Variants in ARHGAP10 observed in about 807,000 individuals in gnomAD.
ARHGAP10 encodes Rho GTPase activating protein 10.
Under a neutral mutation model 108.6 loss-of-function variants are expected in ARHGAP10, and 87 were observed. That is an observed-to-expected ratio of 0.80 (90% confidence interval 0.67 to 0.96). The LOEUF is 0.96. Among genes scored for constraint, ARHGAP10 ranks in the 40% least tolerant of loss-of-function variants. The pLI is 0.00. For missense variants in ARHGAP10, 939 were observed against 954.5 expected (o/e 0.98, Z 0.21); for synonymous variants, 347 against 341.1 (o/e 1.02, Z -0.19).
intron 15 of ARHGAP10, among the ~76,000 whole-genome samples, chr4:147,953,980 C>G (rs1178761431): frequency 6.6e-6 from 1 of 151,992 alleles, no homozygotes; most frequent in Middle Eastern, 3.2e-3. Context: ...TTTCAGAATA[C>G]TTTCTAACTT....
chr4:148,036,123 G>A lies in ARHGAP10; in HGVS notation c.1868-10769G>A, dbSNP rs191209772. On this transcript the variant is annotated intron_variant, in intron 19 of 22. Transcript: ENST00000336498. ...GTGTGTGTATACTTTTCCAGTTAAG[G>A]AAAACTAATGTATAAGATAATATGA... Among the ~76,000 whole-genome samples the A allele has an allele frequency of 1.8e-3, 264 of 150,094 alleles. 1 individual carries two copies. The highest frequency in any genetic ancestry group is 6.0e-3 in the African/African-American group (244 of 40,668).
chr4:148,011,622 A>G (rs1020641587), intron 18 of ARHGAP10, among the ~76,000 whole-genome samples: 3 of 152,266 alleles, frequency 2.0e-5, no homozygotes, highest in Admixed American at 2.0e-4. Flanking sequence ...TGAAGCAGTC[A>G]GGAGCCTGTG....
chr4:147,998,765 TC>T (rs1218446422), intron 18 of ARHGAP10, among the ~76,000 whole-genome samples: 1 of 152,236 alleles, frequency 6.6e-6, no homozygotes, highest in Non-Finnish European at 1.5e-5. Context: ...TTACATTAAT[TC>T]GTGATACCAT....
chr4:148,011,018 A>C (rs1578788252), intron 18 of ARHGAP10, among the ~76,000 whole-genome samples: 1 of 152,248 alleles, frequency 6.6e-6, no homozygotes, highest in East Asian at 1.9e-4. Flanking sequence ...TGAAGTGTAC[A>C]GGACAATTGT....
intron 14 of ARHGAP10, among the ~76,000 whole-genome samples, chr4:147,943,732 A>G (rs200580640): frequency 6.6e-6 from 1 of 152,244 alleles, no homozygotes; most frequent in Non-Finnish European, 1.5e-5. Context: ...TGTATTCTGA[A>G]TGAACCCTCC....
chr4:148,029,079 G>A (rs1222964679), intron 19 of ARHGAP10, among the ~76,000 whole-genome samples: 3 of 152,198 alleles, frequency 2.0e-5, no homozygotes, highest in Non-Finnish European at 4.4e-5. Context: ...AAAAAATGGT[G>A]TAGAATGTCT....
intron 8 of ARHGAP10, among the ~76,000 whole-genome samples, chr4:147,877,009 A>G (rs898678215): frequency 6.6e-6 from 1 of 152,192 alleles, no homozygotes; most frequent in African/African-American, 2.4e-5. Context: ...TGGCGCTTGA[A>G]CAGGCGTGAA....
At chr4:147,875,784 A>C (rs1735033804) in intron 8 of ARHGAP10, among the ~76,000 whole-genome samples, 1 of 152,208 alleles carries the variant, frequency 6.6e-6, no homozygotes, top group Admixed American at 6.5e-5. Flanking sequence ...TGTCTTAGCA[A>C]ATATGCAGTG....
intron 13 of ARHGAP10, among the ~76,000 whole-genome samples, chr4:147,920,339 C>T (rs1014556979): frequency 1.3e-5 from 2 of 151,656 alleles, no homozygotes; most frequent in African/African-American, 2.4e-5. Context: ...ATGGTGTGAA[C>T]CCGGGAGGTG....
At chr4:147,814,267 T>G (rs1465409033) in intron 1 of ARHGAP10, among the ~76,000 whole-genome samples, 1 of 152,112 alleles carries the variant, frequency 6.6e-6, no homozygotes, top group African/African-American at 2.4e-5. Flanking sequence ...AAAGAGGATG[T>G]TTTAGCCCTT....
At position 147,825,883 on chromosome 4, in the gene ARHGAP10, G is replaced by C. The variant is rs187196820; in HGVS notation, c.312+2926G>C. ...TTCCAGTTGCTGTTGAGAATCTCAG[G>C]ACAAAGGTAAAGGCAAAGAAAGCAA... On this transcript the variant is annotated intron_variant, in intron 3 of 22. Transcript: ENST00000336498. Among the ~76,000 whole-genome samples, 123 of 152,304 alleles carry C rather than the reference G, an allele frequency of 8.1e-4. No individual in the cohort carries two copies. The South Asian group carries it at 9.9e-3, about 12-fold the overall frequency.
intron 3 of ARHGAP10, among the ~76,000 whole-genome samples, chr4:147,839,864 G>T (rs935290710): frequency 6.6e-6 from 1 of 152,180 alleles, no homozygotes; most frequent in African/African-American, 2.4e-5. Context: ...GACGAAAAAG[G>T]ATTTCAGACT....
chr4:147,854,237 T>G (rs10021936), intron 4 of ARHGAP10, among the ~76,000 whole-genome samples: 19,716 of 152,182 alleles, frequency 0.13, 1,356 homozygotes, highest in African/African-American at 0.19. Flanking sequence ...TTGTTACAAT[T>G]AAGAAAAAAT....
At chr4:147,846,228 G>A (rs2126816475) in intron 3 of ARHGAP10, among the ~76,000 whole-genome samples, 1 of 152,262 alleles carries the variant, frequency 6.6e-6, no homozygotes, top group East Asian at 1.9e-4. Flanking sequence ...ATGAAACACT[G>A]CTGAGGAGCC....
At chr4:148,043,760 A>G (rs892975984) in intron 19 of ARHGAP10, among the ~76,000 whole-genome samples, 50 of 142,870 alleles carry the variant, frequency 3.5e-4, no homozygotes, top group African/African-American at 8.5e-4. Context: ...ATATGTATAT[A>G]TATGTGTATA....
intron 8 of ARHGAP10, among the ~76,000 whole-genome samples, chr4:147,877,934 C>T (rs1353370586): frequency 3.3e-5 from 5 of 151,316 alleles, no homozygotes; most frequent in Non-Finnish European, 4.4e-5. Flanking sequence ...CCAGACAATA[C>T]CAATGTTATT....
At chr4:148,009,312 A>G (rs918221907) in intron 18 of ARHGAP10, among the ~76,000 whole-genome samples, 21 of 152,068 alleles carry the variant, frequency 1.4e-4, no homozygotes, top group Admixed American at 9.2e-4. Flanking sequence ...TTGTATTTTT[A>G]GTAGAGACAG....
At position 148,071,985 on chromosome 4, in the gene ARHGAP10, C is replaced by T; in HGVS notation, c.2273-8C>T. On this transcript the variant is annotated splice_region_variant and splice_polypyrimidine_tract_variant and intron_variant, in intron 22 of 22. Coordinates refer to ENST00000336498, the MANE Select transcript of ARHGAP10 (RefSeq NM_024605.4). ...TTTTGTAAAAGTGATTTTTCTCTTC[C>T]TTTTCAGTACAAACCTCCAGGGAAC... 6.2e-7 allele frequency: 1 copy of T among 1,610,074 alleles called. No homozygotes were observed. Among genetic ancestry groups the T allele is most frequent in the Admixed American group, 1.7e-5 (1 of 59,090 alleles).
intron 3 of ARHGAP10, among the ~76,000 whole-genome samples, chr4:147,834,657 CACAA>C (rs1040434920): frequency 6.6e-6 from 1 of 151,966 alleles, no homozygotes; most frequent in African/African-American, 2.4e-5. Context: ...CACCCACACA[CACAA>C]ACACACAGAC....
Sources: allele counts gnomAD v4.1 joint callset (sites outside exome capture counted in the v4.1 genomes callset), GRCh38; gene constraint gnomAD v4.1.1; transcripts MANE v1.5; gene names NCBI Gene and HGNC (gene_info 2026-07-23, HGNC 2026-07-21).